The following PCCB variants were observed in gnomAD, a reference collection of about 807,000 sequenced individuals.
The protein encoded by PCCB is propionyl-CoA carboxylase subunit beta, also known as propionyl-CoA carboxylase beta chain, mitochondrial.
A neutral mutation model predicts 60.7 loss-of-function variants in PCCB; 43 were observed. That is an observed-to-expected ratio of 0.71 (90% CI 0.55 to 0.91). The LOEUF (loss-of-function observed/expected upper bound fraction) is 0.91. Among genes scored for constraint, PCCB ranks in the 40% least tolerant of loss-of-function variants. PCCB has a pLI of 0.00. For missense variants in PCCB, 766 were observed against 702.8 expected (o/e 1.09, Z -1.02); for synonymous variants, 276 against 255.9 (o/e 1.08, Z -0.75).
chr3:136,326,232 T>C (rs1935302728), intron 10 of PCCB: 3 of 638,086 alleles, frequency 4.7e-6, no homozygotes, highest in Non-Finnish European at 5.6e-6. Context: ...GCTTTGGTAT[T>C]GGGGTAATAC....
At chr3:136,303,813 A>G (rs576632222) in intron 9 of PCCB, among the ~76,000 whole-genome samples, 1 of 122,068 alleles carries the variant, frequency 8.2e-6, no homozygotes, top group African/African-American at 2.5e-5. Flanking sequence ...CATGTTGGCC[A>G]GGCTGGTCTT....
intron 9 of PCCB, among the ~76,000 whole-genome samples, chr3:136,308,049 C>A (rs943346427): frequency 1.3e-5 from 2 of 151,872 alleles, no homozygotes; most frequent in Non-Finnish European, 2.9e-5. Context: ...GGGTTTGATT[C>A]ACTTGTTAAA....
At chr3:136,282,002 C>G (rs1291484432) in intron 5 of PCCB, among the ~76,000 whole-genome samples, 2 of 152,108 alleles carry the variant, frequency 1.3e-5, no homozygotes, top group Non-Finnish European at 2.9e-5. Flanking sequence ...CTGCTTGAGC[C>G]AATCAGGGTT....
chr3:136,326,932 G>T (rs756464253), intron 11 of PCCB, 22 bp downstream of exon 11: 1 of 1,479,194 alleles, frequency 6.8e-7, no homozygotes, highest in South Asian at 1.1e-5. Context: ...ACAGAGTGGG[G>T]GCTAGGAGAG....
intron 6 of PCCB, among the ~76,000 whole-genome samples, chr3:136,284,665 A>C (rs1933290535): frequency 6.6e-6 from 1 of 152,202 alleles, no homozygotes; most frequent in Admixed American, 6.5e-5. Context: ...CTTTGTTCTC[A>C]AGGGAAGTTA....
chr3:136,313,870 G>A (rs1471192785), intron 9 of PCCB, among the ~76,000 whole-genome samples: 2 of 152,148 alleles, frequency 1.3e-5, no homozygotes, highest in African/African-American at 4.8e-5. Context: ...TACATTTTGA[G>A]GGTAGTAGCA....
intron 5 of PCCB, among the ~76,000 whole-genome samples, chr3:136,264,214 C>G (rs1941906666): frequency 6.6e-6 from 1 of 151,836 alleles, no homozygotes; most frequent in African/African-American, 2.4e-5. Flanking sequence ...TCTTTACCTC[C>G]TAAGTTCTTC....
chr3:136,269,754 C>T (rs1424503161), intron 5 of PCCB, among the ~76,000 whole-genome samples: 6 of 151,740 alleles, frequency 4.0e-5, no homozygotes, highest in South Asian at 4.2e-4. Flanking sequence ...GGTGTGGTGG[C>T]GGGTGCCTGT....
intron 5 of PCCB, among the ~76,000 whole-genome samples, chr3:136,262,476 G>A (rs1309625545): frequency 1.3e-5 from 2 of 152,188 alleles, no homozygotes; most frequent in East Asian, 3.9e-4. Flanking sequence ...TAAAGTCCAA[G>A]CCACAGTGCA....
At position 136,291,190 on chromosome 3, in the gene PCCB, G is replaced by GT. The variant is rs923242377; in HGVS notation, c.655-2564dup. On this transcript the variant is annotated intron_variant, in intron 6 of 14. Transcript: ENST00000251654. ...GTCTTGCTGTCTTGGCCAGGCTAGT[G>GT]TTGAACGCCTGGGCTCAAGTGATCC... Among the ~76,000 whole-genome samples, 254 of 152,064 alleles carry GT rather than the reference G, an allele frequency of 1.7e-3. 1 individual carries two copies. The highest frequency in any genetic ancestry group is 5.1e-3 in the African/African-American group (213 of 41,468).
At chr3:136,268,122 GT>G (rs1942083490) in intron 5 of PCCB, among the ~76,000 whole-genome samples, 1 of 74,862 alleles carries the variant, frequency 1.3e-5, no homozygotes, top group Non-Finnish European at 2.6e-5. Flanking sequence ...ATATATATAT[GT>G]ATATATATAT....
chr3:136,317,176 C>T, intron 10 of PCCB, 112 bp downstream of exon 10: 1 of 931,680 alleles, frequency 1.1e-6, no homozygotes, highest in Non-Finnish European at 1.6e-6. Flanking sequence ...CTTCCATGAC[C>T]AGAGGAAAAA....
chr3:136,263,911 CTGAGGTGGGACAACTGCT>C (rs1282927728), intron 5 of PCCB, among the ~76,000 whole-genome samples: 2 of 151,772 alleles, frequency 1.3e-5, no homozygotes, highest in African/African-American at 4.8e-5. Flanking sequence ...ACTCAGGAGG[CTGAGGTGGGACAACTGCT>C]TGAACCTGGG....
At chr3:136,270,290 T>A (rs1421871090) in intron 5 of PCCB, among the ~76,000 whole-genome samples, 1 of 152,198 alleles carries the variant, frequency 6.6e-6, no homozygotes, top group Non-Finnish European at 1.5e-5. Context: ...TACTTTTGAA[T>A]CAATATTAGT....
intron 9 of PCCB, among the ~76,000 whole-genome samples, chr3:136,302,227 G>C (rs1934317238): frequency 8.0e-6 from 1 of 124,704 alleles, no homozygotes; most frequent in African/African-American, 2.5e-5. Flanking sequence ...ATCTGTCATG[G>C]AGCTGGGGTG....
At chr3:136,328,079 C>A (rs1023820246) in intron 13 of PCCB, among the ~76,000 whole-genome samples, 1 of 152,164 alleles carries the variant, frequency 6.6e-6, no homozygotes, top group African/African-American at 2.4e-5. Context: ...TGGACATTCT[C>A]CCAGCTCCAC....
intron 8 of PCCB, among the ~76,000 whole-genome samples, chr3:136,299,828 G>C (rs1350993024): frequency 6.7e-6 from 1 of 148,228 alleles, no homozygotes; most frequent in Non-Finnish European, 1.5e-5. Context: ...GTGTATGTAT[G>C]TATATGCATG....
intron 7 of PCCB, among the ~76,000 whole-genome samples, chr3:136,295,492 T>G (rs550144036): frequency 4.6e-5 from 7 of 152,350 alleles, no homozygotes; most frequent in African/African-American, 1.4e-4. Context: ...AGAACACTTC[T>G]TAGCATCAAC....
In PCCB at chr3:136,284,900, A is replaced by C. The variant is rs373604453; in HGVS notation, c.654+953A>C. On this transcript the variant is annotated intron_variant, in intron 6 of 14. Coordinates refer to ENST00000251654, the MANE Select transcript of PCCB (RefSeq NM_000532.5). Reference sequence around the variant, plus strand: ...TCAGGAGTTTTAGACCAGCCTAGGCAACGTAGCGAAACCCCATCTCTACAA... The same window carrying C: ...TCAGGAGTTTTAGACCAGCCTAGGCCACGTAGCGAAACCCCATCTCTACAA... 1.3e-4 allele frequency among the ~76,000 whole-genome samples: 20 copies of C among 152,150 alleles called. No individual in the cohort carries two copies. In the East Asian group the frequency reaches 3.9e-3, roughly 29 times the overall value.
Sources: gnomAD v4.1 joint callset for allele counts (sites outside exome capture counted in the v4.1 genomes callset) on GRCh38, gnomAD v4.1.1 for gene constraint, MANE v1.5 for transcripts, NCBI Gene and HGNC (gene_info 2026-07-23, HGNC 2026-07-21) for gene names.